The following GPR84 variants were observed in gnomAD, a reference collection of about 807,000 sequenced individuals.
GPR84 encodes the protein G-protein coupled receptor 84.
A neutral mutation model predicts 14.9 loss-of-function variants in GPR84; 8 were observed. The ratio of observed to expected loss-of-function variants is 0.54; its 90% CI spans 0.31 to 0.97. The LOEUF is 0.97. Ranked by LOEUF, GPR84 falls within the 50% of genes least tolerant of loss-of-function variation. The pLI is 0.04. For missense variants in GPR84, 424 were observed against 498.7 expected (o/e 0.85, Z 1.43); for synonymous variants, 164 against 198.1 (o/e 0.83, Z 1.45).
At chr12:54,359,187 C>T (rs1197958570), downstream of GPR84, among the ~76,000 whole-genome samples, 1 of 152,076 alleles carries the variant, frequency 6.6e-6, no homozygotes, top group Non-Finnish European at 1.5e-5. Context: ...GCAGCTGCAC[C>T]CCCCTCCCCG....
the GPR84 span, chr12:54,350,816 C>T: frequency 4.4e-6 from 2 of 453,328 alleles, no homozygotes; most frequent in South Asian, 6.1e-5. Flanking sequence ...CTTGCCCTGA[C>T]ATTTTTGTAA....
chr12:54,353,795 G>C, the GPR84 span: 1 of 152,416 alleles, frequency 6.6e-6, no homozygotes, highest in Admixed American at 6.5e-5. Context: ...CATTCTCACT[G>C]GGGGAGGAAG....
chr12:54,358,769 T>C (rs2007755), downstream of GPR84, among the ~76,000 whole-genome samples: 14,118 of 151,648 alleles, frequency 0.093, 2,228 homozygotes, highest in African/African-American at 0.32. Context: ...CAACCCCCCA[T>C]TTAGCTCCTT....
chr12:54,354,491 G>T, the GPR84 span, among the ~76,000 whole-genome samples: 1 of 151,908 alleles, frequency 6.6e-6, no homozygotes, highest in Non-Finnish European at 1.5e-5. Context: ...GGAGTGCAGT[G>T]GTGCAATCTT....
chr12:54,358,116 A>C (rs1954228163), downstream of GPR84, among the ~76,000 whole-genome samples: 1 of 152,062 alleles, frequency 6.6e-6, no homozygotes, highest in Non-Finnish European at 1.5e-5. Context: ...GTGGACCCTT[A>C]TTTATCACCT....
the GPR84 span, among the ~76,000 whole-genome samples, chr12:54,354,169 C>T: frequency 6.6e-6 from 1 of 150,558 alleles, no homozygotes; most frequent in African/African-American, 2.5e-5. Context: ...GGCTGGAGTG[C>T]AGTGGCATGA....
intron 1 of GPR84, 36 bp from the exon 2 acceptor site, chr12:54,363,895 C>G (rs1428023532): frequency 7.4e-7 from 1 of 1,357,096 alleles, no homozygotes; most frequent in African/African-American, 1.4e-5. Flanking sequence ...AAGAGGGAAT[C>G]AGAACCTAGC....
chr12:54,358,555 C>CT (rs1322352966), downstream of GPR84, among the ~76,000 whole-genome samples: 2 of 152,076 alleles, frequency 1.3e-5, no homozygotes. Flanking sequence ...TTGCGCCTTT[C>CT]TCTGTCTTTG....
chr12:54,354,427 T>TTTTG, the GPR84 span, among the ~76,000 whole-genome samples: 54 of 150,578 alleles, frequency 3.6e-4, no homozygotes, highest in East Asian at 3.2e-3. Flanking sequence ...TGGTGTCCTT[T>TTTTG]TTTGTTTGTT....
chr12:54,358,407 C>T (rs1954231396), downstream of GPR84, among the ~76,000 whole-genome samples: 1 of 152,080 alleles, frequency 6.6e-6, no homozygotes, highest in Non-Finnish European at 1.5e-5. Context: ...CCTCCCTCCC[C>T]TAAAAACAAA....
the GPR84 span, among the ~76,000 whole-genome samples, chr12:54,354,720 T>C: frequency 1.3e-5 from 2 of 151,802 alleles, no homozygotes; most frequent in Non-Finnish European, 2.9e-5. Flanking sequence ...GCTGGGATTA[T>C]AGGTGTGAGC....
the GPR84 span, among the ~76,000 whole-genome samples, chr12:54,356,230 C>G: frequency 2.0e-5 from 3 of 152,102 alleles, no homozygotes; most frequent in East Asian, 5.8e-4. Flanking sequence ...GTGGGAGAAA[C>G]AGTCTCACCT....
Position 54,363,328 on chromosome 12 carries a change from C to A in GPR84, c.524G>T (p.Gly175Val). The change falls in exon 2 of 2, where the codon GGC becomes GTC. Residue 175 changes from glycine (G) to valine (V), a missense_variant. By Grantham distance (109) the Gly-to-Val change is moderately radical. Coordinates refer to ENST00000267015, the MANE Select transcript of GPR84 (RefSeq NM_020370.3). Reference protein sequence around the residue: ...VCTCSFDRIRGRPYTTILMGI... With the variant: ...VCTCSFDRIRVRPYTTILMGI... ...CATGAGGATGGTGGTGTAAGGCCGG[C>A]CTCGGATGCGGTCAAAGCTGCAGGT... 3 of 1,614,126 alleles carry A rather than the reference C, an allele frequency of 1.9e-6. No homozygotes were observed. Among genetic ancestry groups the A allele is most frequent in the Non-Finnish European group, 2.5e-6 (3 of 1,180,028 alleles).
At chr12:54,353,798 G>GT in the GPR84 span, 10 of 152,428 alleles carry the variant, frequency 6.6e-5, no homozygotes, top group Admixed American at 5.2e-4. Context: ...TCTCACTGGG[G>GT]GAGGAAGAGA....
At chr12:54,353,051 C>T in the GPR84 span, among the ~76,000 whole-genome samples, 1 of 152,172 alleles carries the variant, frequency 6.6e-6, no homozygotes, top group African/African-American at 2.4e-5. Context: ...CTATCCAGTT[C>T]TCAAACTTGG....
At chr12:54,361,746 G>A (rs1268843333), downstream of GPR84, among the ~76,000 whole-genome samples, 1 of 152,194 alleles carries the variant, frequency 6.6e-6, no homozygotes, top group Admixed American at 6.5e-5. This position sits in a 1 kb window ranked among gnomAD's most constrained non-coding sequence, Gnocchi z 4.3. Context: ...GACCTTAGGT[G>A]ATCTGCCCAC....
chr12:54,364,219 C>A (rs1954306075), intron 1 of GPR84, 174 bp downstream of exon 1: 1 of 184,232 alleles, frequency 5.4e-6, no homozygotes, highest in Non-Finnish European at 1.1e-5. Context: ...CCAAAGACCC[C>A]CAGGAGTCCC....
At chr12:54,356,917 G>A in the GPR84 span, among the ~76,000 whole-genome samples, 1 of 152,204 alleles carries the variant, frequency 6.6e-6, no homozygotes, top group African/African-American at 2.4e-5. Flanking sequence ...AGAATTGGGT[G>A]GAGGGGGGTG....
At chr12:54,362,147 G>T (rs1174772290), downstream of GPR84, among the ~76,000 whole-genome samples, 3 of 152,208 alleles carry the variant, frequency 2.0e-5, no homozygotes, top group African/African-American at 7.2e-5. The surrounding 1 kb of genome is among the most constrained non-coding windows in gnomAD (Gnocchi z 4.0). Context: ...TAAACAAAAA[G>T]GCAGGCTAAT....
Sources: gnomAD v4.1 joint callset for allele counts (sites outside exome capture counted in the v4.1 genomes callset) on GRCh38, gnomAD v4.1.1 for gene constraint, Gnocchi (gnomAD v3.1) non-coding constraint, MANE v1.5 for transcripts, NCBI Gene and HGNC (gene_info 2026-07-23, HGNC 2026-07-21) for gene names.